ROCK1: variants seen among roughly 807,000 people sequenced by gnomAD.
ROCK1 encodes Rho associated coiled-coil containing protein kinase 1.
In ROCK1, 36 loss-of-function variants were observed where a neutral mutation model predicts 196.8. The observed-to-expected ratio is 0.18, with a 90% confidence interval of 0.14 to 0.24. The LOEUF (loss-of-function observed/expected upper bound fraction) is 0.24, where lower values mean the gene tolerates loss of function less well. Among genes scored for constraint, ROCK1 ranks in the 10% least tolerant of loss-of-function variants. The probability of loss-of-function intolerance (pLI) is 1.00; values close to 1 mark genes in which losing one functional copy is unlikely to be tolerated. For synonymous variants in ROCK1, 443 were observed against 515.9 expected, an observed-to-expected ratio of 0.86 and a Z score of 1.91; for missense variants, 920 against 1,562.0, an observed-to-expected ratio of 0.59 and a Z score of 6.93.
At chr18:21,090,084 T>G (rs2036557505) in intron 1 of ROCK1, among the ~76,000 whole-genome samples, 1 of 152,242 alleles carries the variant, frequency 6.6e-6, no homozygotes, top group East Asian at 1.9e-4. Flanking sequence ...TTGGTCTATC[T>G]TCTACTTTGA....
intron 1 of ROCK1, among the ~76,000 whole-genome samples, chr18:21,101,831 C>G (rs2036661563): frequency 2.0e-5 from 3 of 149,598 alleles, no homozygotes; most frequent in Admixed American, 6.7e-5. Flanking sequence ...TTTAATTTTG[C>G]TAGGCATGAT....
chr18:21,031,623 A>AG, intron 9 of ROCK1, among the ~76,000 whole-genome samples: 1 of 150,240 alleles, frequency 6.7e-6, no homozygotes, highest in East Asian at 1.9e-4. Flanking sequence ...AAAAAAAAAA[A>AG]AAGAAAATAA....
intron 18 of ROCK1, among the ~76,000 whole-genome samples, chr18:20,989,544 G>A: frequency 6.6e-6 from 1 of 152,252 alleles, no homozygotes; most frequent in East Asian, 1.9e-4. Flanking sequence ...ATTGAAGTTT[G>A]ACTATTTTAT....
intron 1 of ROCK1, among the ~76,000 whole-genome samples, chr18:21,107,840 G>A (rs2036716298): frequency 6.6e-6 from 1 of 152,168 alleles, no homozygotes; most frequent in East Asian, 1.9e-4. Context: ...GATTCCTTGG[G>A]GTAAGGAGTA....
chr18:21,002,157 A>C (rs893364350), intron 16 of ROCK1, among the ~76,000 whole-genome samples: 1 of 152,154 alleles, frequency 6.6e-6, no homozygotes, highest in African/African-American at 2.4e-5. Context: ...GACCAACCCA[A>C]CAGTAGTGAG....
chr18:20,957,695 T>C (rs2035257926), intron 29 of ROCK1, among the ~76,000 whole-genome samples: 1 of 151,946 alleles, frequency 6.6e-6, no homozygotes, highest in African/African-American at 2.4e-5. Context: ...TTGGCCAGAC[T>C]GGTCTCGAAT....
At chr18:21,053,596 G>A (rs1173483723) in intron 2 of ROCK1, among the ~76,000 whole-genome samples, 1 of 152,174 alleles carries the variant, frequency 6.6e-6, no homozygotes, top group African/African-American at 2.4e-5. Flanking sequence ...AGTGCTTTGG[G>A]ACACAGAGGC....
At chr18:20,952,333 G>C (rs2035196750) in intron 32 of ROCK1, among the ~76,000 whole-genome samples, 1 of 152,158 alleles carries the variant, frequency 6.6e-6, no homozygotes, top group Non-Finnish European at 1.5e-5. Flanking sequence ...AGTGAGCTGA[G>C]ATTGCGCCAC....
intron 16 of ROCK1, among the ~76,000 whole-genome samples, chr18:20,998,254 G>A (rs1157756902): frequency 6.6e-6 from 1 of 152,062 alleles, no homozygotes; most frequent in East Asian, 1.9e-4. Context: ...TGAAACAAAT[G>A]ATAATGAAAA....
intron 27 of ROCK1, among the ~76,000 whole-genome samples, chr18:20,963,276 A>G (rs1156467872): frequency 6.6e-6 from 1 of 152,172 alleles, no homozygotes; most frequent in Admixed American, 6.5e-5. Context: ...ATGTACATCA[A>G]TACTCGATAT....
chr18:21,030,861 T>C (rs1016254099), intron 9 of ROCK1, among the ~76,000 whole-genome samples: 1 of 152,182 alleles, frequency 6.6e-6, no homozygotes, highest in Admixed American at 6.5e-5. Context: ...AAAGAAATCA[T>C]ACCTCCACTG....
chr18:20,952,964 G>C (rs1162073965), intron 32 of ROCK1, among the ~76,000 whole-genome samples: 1 of 152,084 alleles, frequency 6.6e-6, no homozygotes, highest in Non-Finnish European at 1.5e-5. Flanking sequence ...CACGCACCAG[G>C]GCCTGTCGAG....
chr18:21,039,402 G>A, intron 9 of ROCK1, 70 bp downstream of exon 9: 1 of 1,028,836 alleles, frequency 9.7e-7, no homozygotes, highest in East Asian at 2.5e-5. Context: ...ATTTAGCAAT[G>A]TAGTTTCAAC....
chr18:21,072,255 C>T (rs898680470), intron 1 of ROCK1, among the ~76,000 whole-genome samples: 2 of 152,146 alleles, frequency 1.3e-5, no homozygotes, highest in African/African-American at 4.8e-5. Flanking sequence ...GACCTGGTAC[C>T]ACACACTTTA....
intron 22 of ROCK1, among the ~76,000 whole-genome samples, chr18:20,971,317 C>CACACACACAT (rs2143364171): frequency 2.5e-5 from 1 of 40,264 alleles, no homozygotes; most frequent in East Asian, 1.6e-3. Flanking sequence ...CACACACACA[C>CACACACACAT]ACACACACAC....
chr18:21,082,770 A>T (rs2036493560), intron 1 of ROCK1, among the ~76,000 whole-genome samples: 1 of 152,228 alleles, frequency 6.6e-6, no homozygotes, highest in Admixed American at 6.5e-5. Context: ...GATCAGGAAC[A>T]AGACAAAGAT....
At chr18:21,095,686 G>A (rs532779155) in intron 1 of ROCK1, among the ~76,000 whole-genome samples, 1 of 151,446 alleles carries the variant, frequency 6.6e-6, no homozygotes, top group Non-Finnish European at 1.5e-5. Context: ...AGATAGGAAG[G>A]GTAGTAGGGG....
At chr18:21,021,662 T>C (rs759419979) in intron 11 of ROCK1, among the ~76,000 whole-genome samples, 1 of 152,200 alleles carries the variant, frequency 6.6e-6, no homozygotes, top group Non-Finnish European at 1.5e-5. Context: ...TTGTACTTAG[T>C]TCTAGGTTGA....
At chr18:21,109,293 A>G (rs1258336882) in intron 1 of ROCK1, among the ~76,000 whole-genome samples, 2 of 152,196 alleles carry the variant, frequency 1.3e-5, no homozygotes, top group African/African-American at 4.8e-5. Context: ...ACATGTAAAT[A>G]AAGGTCCCCA....
Sources: gnomAD v4.1 joint callset for allele counts (sites outside exome capture counted in the v4.1 genomes callset) on GRCh38, gnomAD v4.1.1 for gene constraint, MANE v1.5 for transcripts, NCBI Gene and HGNC (gene_info 2026-07-23, HGNC 2026-07-21) for gene names.